Variants in SPATA17 observed in about 807,000 individuals in gnomAD.
SPATA17 encodes spermatogenesis associated 17, also known as spermatogenesis-associated protein 17.
In SPATA17, 53 loss-of-function variants were observed where a neutral mutation model predicts 62.2. That is an observed-to-expected ratio of 0.85 (90% CI 0.68 to 1.07). The LOEUF (loss-of-function observed/expected upper bound fraction) is 1.07. SPATA17 is among the 50% of genes least tolerant of loss of function. SPATA17 has a pLI of 0.00. For synonymous variants in SPATA17, 146 were observed against 146.8 expected, an observed-to-expected ratio of 0.99 and a Z score of 0.04; for missense variants, 466 against 425.5, an observed-to-expected ratio of 1.10 and a Z score of -0.84.
chr1:217,687,088 TTG>T, intron 5 of SPATA17, among the ~76,000 whole-genome samples: 1 of 152,322 alleles, frequency 6.6e-6, no homozygotes, highest in Non-Finnish European at 1.5e-5. Context: ...ATTGTAAACA[TTG>T]TGTTATTTAA....
intron 4 of SPATA17, among the ~76,000 whole-genome samples, chr1:217,673,765 A>G (rs938092751): frequency 6.6e-6 from 1 of 152,152 alleles, no homozygotes; most frequent in Non-Finnish European, 1.5e-5. Context: ...GTTCCTGGCA[A>G]TATTACAAAG....
At chr1:217,635,755 G>A (rs899544941) in intron 1 of SPATA17, among the ~76,000 whole-genome samples, 5 of 145,434 alleles carry the variant, frequency 3.4e-5, no homozygotes, top group South Asian at 4.3e-4. Flanking sequence ...AATGAGGAAT[G>A]TCTGGGTTAT....
At chr1:217,678,689 T>G (rs920790946) in intron 4 of SPATA17, among the ~76,000 whole-genome samples, 1 of 152,236 alleles carries the variant, frequency 6.6e-6, no homozygotes, top group Non-Finnish European at 1.5e-5. Flanking sequence ...ACATTATTTA[T>G]AAGACCACTT....
chr1:217,838,833 T>C (rs1571836976), intron 9 of SPATA17, among the ~76,000 whole-genome samples: 1 of 152,158 alleles, frequency 6.6e-6, no homozygotes, highest in East Asian at 1.9e-4. Context: ...GGTTCAAACA[T>C]TTGTCATCTT....
intron 1 of SPATA17, among the ~76,000 whole-genome samples, chr1:217,647,817 G>A (rs372896333): frequency 3.3e-5 from 5 of 152,080 alleles, no homozygotes; most frequent in African/African-American, 9.6e-5. Context: ...TCTGCCTCCC[G>A]GGTTCAAGCG....
At chr1:217,852,413 A>T (rs1318275649) in intron 9 of SPATA17, among the ~76,000 whole-genome samples, 2 of 152,194 alleles carry the variant, frequency 1.3e-5, no homozygotes, top group Admixed American at 6.6e-5. Context: ...GCTAGGTATC[A>T]TTCACTGGCT....
rs1234662681 is a variant in SPATA17 at position 217,772,919 on chromosome 1, G to A, written c.520-1415G>A. On this transcript the variant is annotated intron_variant, in intron 6 of 10. Transcript: ENST00000366933. ...GGTATAGGACACTGCGTTTGGGATA[G>A]GATGTTGCATTTGGGATAGGACGTT... Among the ~76,000 whole-genome samples the A allele has an allele frequency of 3.9e-5, 6 of 152,308 alleles. No homozygotes were observed. The East Asian group carries it at 1.2e-3, about 29-fold the overall frequency.
At chr1:217,824,433 C>T (rs1674938947) in intron 9 of SPATA17, among the ~76,000 whole-genome samples, 2 of 151,014 alleles carry the variant, frequency 1.3e-5, no homozygotes, top group Non-Finnish European at 3.0e-5. Context: ...AATAAATTCT[C>T]CATCAGTTTA....
chr1:217,866,930 T>C (rs1676026861), intron 10 of SPATA17, 92 bp from the exon 11 acceptor site: 2 of 151,246 alleles, frequency 1.3e-5, no homozygotes, highest in African/African-American at 4.9e-5. Flanking sequence ...TGAGTGTGAA[T>C]AGAAGACCCC....
At chr1:217,778,983 G>A (rs922481696) in intron 7 of SPATA17, among the ~76,000 whole-genome samples, 1 of 151,924 alleles carries the variant, frequency 6.6e-6, no homozygotes, top group South Asian at 2.1e-4. Context: ...AGTATGTATG[G>A]AATGCATAGG....
intron 1 of SPATA17, among the ~76,000 whole-genome samples, chr1:217,648,400 G>T (rs1571703421): frequency 6.6e-6 from 1 of 152,074 alleles, no homozygotes; most frequent in Non-Finnish European, 1.5e-5. Context: ...GACTTTCTGA[G>T]AATTCTAGCT....
intron 3 of SPATA17, among the ~76,000 whole-genome samples, chr1:217,654,255 A>G (rs1670384620): frequency 6.6e-6 from 1 of 151,386 alleles, no homozygotes; most frequent in Non-Finnish European, 1.5e-5. Context: ...CTCCTGCCTC[A>G]ACTTCCCAAG....
intron 9 of SPATA17, chr1:217,850,438 G>T (rs574393886): frequency 1.2e-4 from 164 of 1,341,706 alleles, no homozygotes; most frequent in Middle Eastern, 4.3e-4. Flanking sequence ...CAGGTACAGG[G>T]TCAACTCTTT....
intron 5 of SPATA17, among the ~76,000 whole-genome samples, chr1:217,740,230 T>G (rs1333059139): frequency 6.6e-6 from 1 of 151,528 alleles, no homozygotes; most frequent in Non-Finnish European, 1.5e-5. Flanking sequence ...CTTTATAGAT[T>G]TTTTATTTTT....
At chr1:217,719,226 A>C (rs1672071131) in intron 5 of SPATA17, among the ~76,000 whole-genome samples, 1 of 152,180 alleles carries the variant, frequency 6.6e-6, no homozygotes, top group African/African-American at 2.4e-5. Flanking sequence ...CCAAGAAAAC[A>C]CCTCTTGAAC....
At chr1:217,749,314 T>C (rs1672841716) in intron 6 of SPATA17, among the ~76,000 whole-genome samples, 1 of 152,322 alleles carries the variant, frequency 6.6e-6, no homozygotes. Flanking sequence ...CAAAAGGATG[T>C]ATGCCTTGAT....
chr1:217,741,859 TGATTTGGATG>T, intron 5 of SPATA17, 106 bp from the exon 6 acceptor site: 1 of 1,096,966 alleles, frequency 9.1e-7, no homozygotes, highest in Non-Finnish European at 1.3e-6. Flanking sequence ...ATTACACCAC[TGATTTGGATG>T]GATATGGATG....
At chr1:217,669,215 G>A (rs1382741260) in intron 4 of SPATA17, 132 bp downstream of exon 4, 1 of 719,000 alleles carries the variant, frequency 1.4e-6, no homozygotes, top group African/African-American at 1.8e-5. Flanking sequence ...AGAGTATGTA[G>A]TTAAAAAGTT....
intron 5 of SPATA17, among the ~76,000 whole-genome samples, chr1:217,733,262 G>A (rs1256709528): frequency 6.6e-6 from 1 of 152,120 alleles, no homozygotes; most frequent in African/African-American, 2.4e-5. Flanking sequence ...TTTATGTGTG[G>A]CCAGGAAACC....
Sources: gnomAD v4.1 joint callset for allele counts (sites outside exome capture counted in the v4.1 genomes callset) on GRCh38, gnomAD v4.1.1 for gene constraint, MANE v1.5 for transcripts, NCBI Gene and HGNC (gene_info 2026-07-23, HGNC 2026-07-21) for gene names.